The following TRIB2 variants were observed in gnomAD, a reference collection of about 807,000 sequenced individuals.
TRIB2 encodes the protein tribbles homolog 2.
TRIB2 carries 2 observed loss-of-function variants against 26.8 expected under a neutral mutation model. That is an observed-to-expected ratio of 0.07 (90% confidence interval 0.03 to 0.24). TRIB2 has a LOEUF of 0.24. TRIB2 is among the 10% of genes least tolerant of loss of function. TRIB2 has a pLI of 1.00. For synonymous variants in TRIB2, 189 were observed against 187.3 expected (o/e 1.01, Z -0.08); for missense variants, 306 against 449.0 (o/e 0.68, Z 2.88).
At position 12,740,195 on chromosome 2, in the gene TRIB2, C is replaced by G. The variant is rs1406303794; in HGVS notation, c.564-131C>G. The G allele has an allele frequency of 5.5e-6, 5 of 907,550 alleles. No individual in the cohort carries two copies. The highest frequency in any genetic ancestry group is 5.0e-6 in the Non-Finnish European group (3 of 599,448). 56.2% of individuals were successfully genotyped at this position (907,550 alleles called of 1,614,324 possible). A position where few individuals can be genotyped will look rare whatever the true frequency, so the allele number is the denominator to read the frequency against. ...GCTCAGTGAGTAATGTTTGGCTGGT[C>G]AGATGAATGCGTGAATGAATGAATG... On this transcript the variant is annotated intron_variant, in intron 2 of 2. Transcript: ENST00000155926. This position sits in a 1 kb window ranked among gnomAD's most constrained non-coding sequence, Gnocchi z 5.8.
In TRIB2 at chr2:12,740,634, G is replaced by A. The variant is rs1258712130; in HGVS notation, c.872G>A (p.Arg291Gln). The A allele has an allele frequency of 4.3e-6, 7 of 1,614,162 alleles. No homozygotes were observed. In the East Asian group the frequency reaches 6.7e-5, roughly 15 times the overall value. The change falls in exon 3 of 3, where the codon CGG (arginine) becomes CAG (glutamine). Residue 291 changes from arginine to glutamine, a missense_variant. Physicochemically the swap from Arg to Gln is conservative, Grantham distance 43. Around this residue, in one of 4 missense-constraint regions of TRIB2, gnomAD observed 78 missense variants for 104.9 expected, o/e 0.74. Transcript: ENST00000155926. This position sits in a 1 kb window ranked among gnomAD's most constrained non-coding sequence, Gnocchi z 5.8. ...AKCLIRSILR[R>Q]EPSERLTSQE... Reference sequence around the variant, plus strand: ...TGCCTCATCCGAAGCATTCTGCGTCGGGAGCCCTCAGAGCGGCTGACCTCG... The same window carrying A: ...TGCCTCATCCGAAGCATTCTGCGTCAGGAGCCCTCAGAGCGGCTGACCTCG...
chr2:12,740,321 T>G lies in TRIB2; in HGVS notation c.564-5T>G. 1 of 1,611,376 alleles carries G rather than the reference T, an allele frequency of 6.2e-7. No individual in the cohort carries two copies. The highest frequency in any genetic ancestry group is 8.5e-7 in the Non-Finnish European group (1 of 1,177,872). Reference sequence around the variant, plus strand: ...AGGAGCTTATGTTTTCCTCCTTTCTTGCAGGACTCGGGTCAAGCTGGAAAG... The same window carrying G: ...AGGAGCTTATGTTTTCCTCCTTTCTGGCAGGACTCGGGTCAAGCTGGAAAG... On this transcript the variant is annotated splice_region_variant and splice_polypyrimidine_tract_variant and intron_variant, in intron 2 of 2. Coordinates refer to ENST00000155926, the MANE Select transcript of TRIB2 (RefSeq NM_021643.4). The surrounding 1 kb of genome is among the most constrained non-coding windows in gnomAD (Gnocchi z 5.8).
intron 2 of TRIB2, among the ~76,000 whole-genome samples, chr2:12,729,427 T>C (rs974264410): frequency 1.3e-5 from 2 of 152,162 alleles, no homozygotes; most frequent in African/African-American, 4.8e-5. Context: ...AGTATTGGTG[T>C]CTAGGTCATT....
chr2:12,727,602 C>T (rs905454726), intron 2 of TRIB2, among the ~76,000 whole-genome samples: 2 of 152,202 alleles, frequency 1.3e-5, no homozygotes, highest in Non-Finnish European at 2.9e-5. Flanking sequence ...CATACCCCAC[C>T]GTGCCTGAAT....
At position 12,718,173 on chromosome 2, in the gene TRIB2, G is replaced by T. The variant is rs1572476048; in HGVS notation, c.-135G>T. 6 of 1,214,368 alleles carry T rather than the reference G, an allele frequency of 4.9e-6. No homozygotes were observed. The highest frequency in any genetic ancestry group is 6.7e-6 in the Non-Finnish European group (6 of 896,070). 75.2% of individuals were successfully genotyped at this position (1,214,368 alleles called of 1,614,324 possible). A position where few individuals can be genotyped will look rare whatever the true frequency, so the allele number is the denominator to read the frequency against. ...TGGGGGCTTCTAACTCTTTCTCCACGCAGCCCCTCTTCTGTCCCCTCCCCT... is the reference window on the plus strand; with the variant it reads ...TGGGGGCTTCTAACTCTTTCTCCACTCAGCCCCTCTTCTGTCCCCTCCCCT... On this transcript the variant is annotated 5_prime_UTR_variant, in exon 1 of 3. Coordinates refer to ENST00000155926, the MANE Select transcript of TRIB2 (RefSeq NM_021643.4). This position sits in a 1 kb window ranked among gnomAD's most constrained non-coding sequence, Gnocchi z 4.0.
At chr2:12,724,073 G>T (rs535501848) in intron 2 of TRIB2, among the ~76,000 whole-genome samples, 1 of 152,204 alleles carries the variant, frequency 6.6e-6, no homozygotes, top group African/African-American at 2.4e-5. Context: ...ATAGAGGTCC[G>T]TGCTGGGTGG....
In TRIB2 at chr2:12,718,016, G is replaced by T; in HGVS notation, c.-292G>T. 1 of 442,568 alleles carries T rather than the reference G, an allele frequency of 2.3e-6. No homozygotes were observed. Among genetic ancestry groups the T allele is most frequent in the Non-Finnish European group, 4.0e-6 (1 of 247,050 alleles). The allele number at this position is 442,568 out of a possible 1,614,324, so 27.4% of individuals were successfully genotyped here. On this transcript the variant is annotated 5_prime_UTR_variant, in exon 1 of 3. Transcript: ENST00000155926. This position sits in a 1 kb window ranked among gnomAD's most constrained non-coding sequence, Gnocchi z 4.0. Reference sequence around the variant, plus strand: ...GATCCACGCCGGGGACACACACACAGAGTAACTAAAAGTGCGGCGATTCTG... The same window carrying T: ...GATCCACGCCGGGGACACACACACATAGTAACTAAAAGTGCGGCGATTCTG...
At chr2:12,733,173 C>T (rs1045570016) in intron 2 of TRIB2, among the ~76,000 whole-genome samples, 1 of 152,204 alleles carries the variant, frequency 6.6e-6, no homozygotes, top group Non-Finnish European at 1.5e-5. Context: ...CACTGGCTTG[C>T]GAGGTGGCCT....
chr2:12,718,137 C>G lies in TRIB2; in HGVS notation c.-171C>G. 2 of 911,252 alleles carry G rather than the reference C, an allele frequency of 2.2e-6. No individual in the cohort carries two copies. The highest frequency in any genetic ancestry group is 3.2e-6 in the Non-Finnish European group (2 of 626,224). 56.4% of individuals were successfully genotyped at this position (911,252 alleles called of 1,614,324 possible). ...GGCTCGGAGCAGACGAGGTATCCGG[C>G]GGCGCCCATTTGGGGGCTTCTAACT... is the stretch of plus-strand genomic sequence containing the variant. On this transcript the variant is annotated 5_prime_UTR_variant, in exon 1 of 3. Transcript: ENST00000155926. This position sits in a 1 kb window ranked among gnomAD's most constrained non-coding sequence, Gnocchi z 4.0.
rs2103248660 is a variant in TRIB2 at position 12,719,748 on chromosome 2, A to C, written c.270+1171A>C. Among the ~76,000 whole-genome samples, 3 of 152,184 alleles carry C rather than the reference A, an allele frequency of 2.0e-5. No homozygotes were observed. In the South Asian group the frequency reaches 6.2e-4, roughly 32 times the overall value. Reference sequence around the variant, plus strand: ...GTGGACTGGAGTATTTCATTGCAAAATTTGGGTTTAGTGGAGATCTCCAGT... The same window carrying C: ...GTGGACTGGAGTATTTCATTGCAAACTTTGGGTTTAGTGGAGATCTCCAGT... On this transcript the variant is annotated intron_variant, in intron 1 of 2. Transcript: ENST00000155926.
intron 2 of TRIB2, among the ~76,000 whole-genome samples, chr2:12,727,898 A>G (rs1010160904): frequency 5.9e-5 from 9 of 152,122 alleles, no homozygotes; most frequent in Non-Finnish European, 1.3e-4. Flanking sequence ...CAGCACCCAC[A>G]TCCCCAAAGT....
chr2:12,718,859 G>A lies in TRIB2; in HGVS notation c.270+282G>A, dbSNP rs925863395. Among the ~76,000 whole-genome samples, 1 of 152,132 alleles carries A rather than the reference G, an allele frequency of 6.6e-6. No individual in the cohort carries two copies. The highest frequency in any genetic ancestry group is 2.4e-5 in the African/African-American group (1 of 41,430). ...GGACACGCGTGCACCGAAGGCTCCAGGAGCTCTCTGCGCGAGGCCGGGTCC... is the reference window on the plus strand; with the variant it reads ...GGACACGCGTGCACCGAAGGCTCCAAGAGCTCTCTGCGCGAGGCCGGGTCC... On this transcript the variant is annotated intron_variant, in intron 1 of 2. Transcript: ENST00000155926. This position sits in a 1 kb window ranked among gnomAD's most constrained non-coding sequence, Gnocchi z 4.0.
At chr2:12,724,510 C>G in intron 2 of TRIB2, 1 of 1,489,280 alleles carries the variant, frequency 6.7e-7, no homozygotes, top group South Asian at 1.4e-5. Flanking sequence ...AATGTGGAGA[C>G]CAGCTCATAT....
chr2:12,724,079 G>C (rs1396486714), intron 2 of TRIB2, among the ~76,000 whole-genome samples: 2 of 152,196 alleles, frequency 1.3e-5, no homozygotes, highest in African/African-American at 4.8e-5. Flanking sequence ...GTCCGTGCTG[G>C]GTGGGATGAG....
Position 12,718,445 on chromosome 2 carries a change from G to C in TRIB2, c.138G>C (p.Pro46=). Residue 46 remains proline (P), a synonymous_variant, in exon 1 of 3, where the codon CCG becomes CCC. Transcript: ENST00000155926. The surrounding 1 kb of genome is among the most constrained non-coding windows in gnomAD (Gnocchi z 4.0). ...GTTTCAGCCCGAACCTCGGCTCCCC[G>C]AGCCCGCCCGAGACTCCGAACTTGT... ...SQSFSPNLGS[P]SPPETPNLSH... The C allele has an allele frequency of 2.5e-6, 4 of 1,614,212 alleles. No individual in the cohort carries two copies. The highest frequency in any genetic ancestry group is 3.4e-6 in the Non-Finnish European group (4 of 1,180,042).
chr2:12,741,998 C>T lies in TRIB2; in HGVS notation c.*1204C>T, dbSNP rs1241828312. 1 of 152,638 alleles carries T rather than the reference C, an allele frequency of 6.6e-6. No homozygotes were observed. Among genetic ancestry groups the T allele is most frequent in the Non-Finnish European group, 1.5e-5 (1 of 68,042 alleles). 9.5% of individuals were successfully genotyped at this position (152,638 alleles called of 1,614,324 possible). A position where few individuals can be genotyped will look rare whatever the true frequency, so the allele number is the denominator to read the frequency against. On this transcript the variant is annotated 3_prime_UTR_variant, in exon 3 of 3. Transcript: ENST00000155926. ...CTCTTCTATTTATTAAGGAAAATGT[C>T]ACATTGTGATGTATTAAGCCAGTAC...
chr2:12,730,784 C>A (rs1661435961), intron 2 of TRIB2, among the ~76,000 whole-genome samples: 1 of 152,152 alleles, frequency 6.6e-6, no homozygotes, highest in Non-Finnish European at 1.5e-5. Flanking sequence ...AATCAACTAG[C>A]CATATTGACA....
intron 2 of TRIB2, among the ~76,000 whole-genome samples, chr2:12,728,299 C>T (rs1377883501): frequency 2.0e-5 from 3 of 152,262 alleles, no homozygotes; most frequent in Non-Finnish European, 2.9e-5. Context: ...CATCAGCAGA[C>T]GGGAGCTCCT....
In TRIB2 at chr2:12,740,441, A is replaced by G; in HGVS notation, c.679A>G (p.Ser227Gly). The change falls in exon 3 of 3, where the codon AGT becomes GGT. Residue 227 changes from serine to glycine, a missense_variant. By Grantham distance (56) the Ser-to-Gly change is moderately conservative (BLOSUM62 0). Coordinates refer to ENST00000155926, the MANE Select transcript of TRIB2 (RefSeq NM_021643.4). The surrounding 1 kb of genome is among the most constrained non-coding windows in gnomAD (Gnocchi z 5.8). ...AYVSPEILNTSGSYSGKAADV... is the reference protein window; with the variant it reads ...AYVSPEILNTGGSYSGKAADV... ...CGTAAGCCCAGAGATCTTGAACACC[A>G]GTGGCAGCTACTCGGGCAAAGCAGC... The G allele has an allele frequency of 2.5e-6, 4 of 1,614,122 alleles. No homozygotes were observed. The South Asian group carries it at 3.3e-5, about 13-fold the overall frequency.
Sources: allele counts gnomAD v4.1 joint callset (sites outside exome capture counted in the v4.1 genomes callset), GRCh38; gene constraint gnomAD v4.1.1; regional missense constraint gnomAD v4.1.1; non-coding constraint Gnocchi (gnomAD v3.1); transcripts MANE v1.5; gene names NCBI Gene and HGNC (gene_info 2026-07-23, HGNC 2026-07-21).